The following RERE variants were observed in gnomAD, a reference collection of about 807,000 sequenced individuals.
RERE encodes arginine-glutamic acid dipeptide repeats protein.
RERE carries 40 observed loss-of-function variants against 146.1 expected under a neutral mutation model. That is an observed-to-expected ratio of 0.27 (90% CI 0.21 to 0.36). The LOEUF (loss-of-function observed/expected upper bound fraction) is 0.36. Ranked by LOEUF, RERE falls within the 10% of genes least tolerant of loss-of-function variation. RERE has a pLI of 1.00. For missense variants in RERE, 1,933 were observed against 2,138.7 expected (o/e 0.90, Z 1.90); for synonymous variants, 1,003 against 866.0 (o/e 1.16, Z -2.78).
At chr1:8,367,038 G>A (rs1167619659) in intron 12 of RERE, among the ~76,000 whole-genome samples, 1 of 151,788 alleles carries the variant, frequency 6.6e-6, no homozygotes, top group Admixed American at 6.6e-5. Context: ...TTGGCGACTA[G>A]ATGCTGGGAG....
intron 11 of RERE, among the ~76,000 whole-genome samples, chr1:8,434,991 G>A (rs992529583): frequency 6.6e-6 from 1 of 152,246 alleles, no homozygotes; most frequent in African/African-American, 2.4e-5. Context: ...AACTGTGAAA[G>A]ATAATAAATG....
intron 1 of RERE, among the ~76,000 whole-genome samples, chr1:8,785,496 T>G (rs1489397312): frequency 6.6e-6 from 1 of 152,262 alleles, no homozygotes; most frequent in Non-Finnish European, 1.5e-5. Flanking sequence ...GGATTCACAA[T>G]GCAACCAAGT....
At chr1:8,483,036 A>G (rs1388835884) in intron 10 of RERE, among the ~76,000 whole-genome samples, 1 of 152,250 alleles carries the variant, frequency 6.6e-6, no homozygotes, top group East Asian at 1.9e-4. Flanking sequence ...TTACATAAAT[A>G]AAACACTGGC....
At chr1:8,566,667 G>A (rs576821803) in intron 4 of RERE, among the ~76,000 whole-genome samples, 4 of 152,002 alleles carry the variant, frequency 2.6e-5, no homozygotes, top group Non-Finnish European at 5.9e-5. Flanking sequence ...AATTAAATGG[G>A]ACACAGAATC....
chr1:8,479,885 C>T (rs1644808120), intron 10 of RERE, among the ~76,000 whole-genome samples: 1 of 152,104 alleles, frequency 6.6e-6, no homozygotes, highest in Non-Finnish European at 1.5e-5. Context: ...TATAAAAAAG[C>T]ATTCTGAGGT....
chr1:8,809,885 G>T (rs1305313474), intron 1 of RERE, among the ~76,000 whole-genome samples: 3 of 152,134 alleles, frequency 2.0e-5, no homozygotes, highest in Admixed American at 6.6e-5. Flanking sequence ...TGAGTGAGAA[G>T]GTTATAACAA....
intron 1 of RERE, among the ~76,000 whole-genome samples, chr1:8,805,222 A>AT (rs1641667408): frequency 6.6e-6 from 1 of 151,696 alleles, no homozygotes; most frequent in African/African-American, 2.4e-5. Flanking sequence ...AAATAAACTC[A>AT]TTTTGGGGGG....
At chr1:8,403,825 CTTT>C (rs869295197) in intron 12 of RERE, among the ~76,000 whole-genome samples, 251 of 70,794 alleles carry the variant, frequency 3.5e-3, no homozygotes, top group African/African-American at 0.014. Flanking sequence ...AAAATCTTAG[CTTT>C]TTTTTTTTTT....
intron 2 of RERE, among the ~76,000 whole-genome samples, chr1:8,632,759 T>C (rs1276798495): frequency 6.6e-6 from 1 of 152,240 alleles, no homozygotes; most frequent in Non-Finnish European, 1.5e-5. Flanking sequence ...GCCTTCCTTG[T>C]TAAGACTAAT....
intron 4 of RERE, among the ~76,000 whole-genome samples, chr1:8,564,321 T>C (rs1408469602): frequency 2.6e-5 from 4 of 152,228 alleles, no homozygotes; most frequent in African/African-American, 9.6e-5. Context: ...CATAATGAGA[T>C]ATCTTGGGGA....
chr1:8,689,741 T>C (rs985295899), intron 1 of RERE, among the ~76,000 whole-genome samples: 3 of 146,526 alleles, frequency 2.0e-5, no homozygotes, highest in African/African-American at 7.6e-5. Flanking sequence ...ACTGACAAAT[T>C]AAGGTGCCCA....
intron 7 of RERE, among the ~76,000 whole-genome samples, chr1:8,516,909 G>A (rs1255140083): frequency 2.6e-5 from 4 of 152,158 alleles, no homozygotes; most frequent in Non-Finnish European, 4.4e-5. Flanking sequence ...TACAGAAATG[G>A]AGACACATTC....
At chr1:8,451,747 T>C (rs1393876821) in intron 11 of RERE, among the ~76,000 whole-genome samples, 1 of 152,114 alleles carries the variant, frequency 6.6e-6, no homozygotes, top group Non-Finnish European at 1.5e-5. Context: ...CCCTAGGGAT[T>C]CTGCTCTGAC....
chr1:8,395,242 G>A (rs760298989), intron 12 of RERE, among the ~76,000 whole-genome samples: 9 of 152,142 alleles, frequency 5.9e-5, no homozygotes, highest in Admixed American at 2.0e-4. Flanking sequence ...TTGGGAAGCC[G>A]AGGCGGGTGG....
At chr1:8,811,599 C>A (rs1479277377) in intron 1 of RERE, among the ~76,000 whole-genome samples, 1 of 152,156 alleles carries the variant, frequency 6.6e-6, no homozygotes, top group African/African-American at 2.4e-5. Context: ...CAGAGCGAGA[C>A]CCTCTCTCAA....
intron 12 of RERE, among the ~76,000 whole-genome samples, chr1:8,373,852 C>T (rs917127017): frequency 6.6e-6 from 1 of 152,332 alleles, no homozygotes; most frequent in East Asian, 1.9e-4. Flanking sequence ...GAGCAGCCAC[C>T]TTCTACAGAT....
intron 8 of RERE, among the ~76,000 whole-genome samples, chr1:8,501,033 G>T (rs1207971215): frequency 3.4e-5 from 4 of 118,132 alleles, no homozygotes; most frequent in Admixed American, 1.5e-4. Flanking sequence ...CGTCCGGGAG[G>T]GGGGGGGGGG....
intron 2 of RERE, among the ~76,000 whole-genome samples, chr1:8,655,215 T>G (rs1638244221): frequency 1.3e-5 from 2 of 151,926 alleles, no homozygotes; most frequent in Admixed American, 1.3e-4. Flanking sequence ...CAGGGCTTTT[T>G]TTTTTTTCTG....
chr1:8,487,333 A>G (rs944005549), intron 10 of RERE, among the ~76,000 whole-genome samples: 1 of 152,166 alleles, frequency 6.6e-6, no homozygotes, highest in African/African-American at 2.4e-5. Context: ...CTATAATCTC[A>G]GCATTTGGGG....
Sources: gnomAD v4.1 joint callset for allele counts (sites outside exome capture counted in the v4.1 genomes callset) on GRCh38, gnomAD v4.1.1 for gene constraint, MANE v1.5 for transcripts, NCBI Gene and HGNC (gene_info 2026-07-23, HGNC 2026-07-21) for gene names.